ARHGAP39: variants seen among roughly 807,000 people sequenced by gnomAD.
ARHGAP39 encodes the protein Rho GTPase activating protein 39.
A neutral mutation model predicts 106.9 loss-of-function variants in ARHGAP39; 44 were observed. The ratio of observed to expected loss-of-function variants is 0.41; its 90% CI spans 0.32 to 0.53. The LOEUF is 0.53. Among genes scored for constraint, ARHGAP39 ranks in the 20% least tolerant of loss-of-function variants. The probability of loss-of-function intolerance (pLI) is 0.21; values close to 1 mark genes in which losing one functional copy is unlikely to be tolerated. For missense variants in ARHGAP39, 1,496 were observed against 1,577.3 expected (o/e 0.95, Z 0.87); for synonymous variants, 768 against 693.2 (o/e 1.11, Z -1.69).
At chr8:144,543,410 C>T (rs1346520207) in intron 6 of ARHGAP39, among the ~76,000 whole-genome samples, 1 of 152,186 alleles carries the variant, frequency 6.6e-6, no homozygotes, top group Non-Finnish European at 1.5e-5. Context: ...CTCTTCTGGG[C>T]TCAGGGCCAA....
intron 6 of ARHGAP39, among the ~76,000 whole-genome samples, chr8:144,538,631 A>G (rs1817061239): frequency 6.6e-6 from 1 of 152,096 alleles, no homozygotes; most frequent in Non-Finnish European, 1.5e-5. Flanking sequence ...ATCTCAGCTC[A>G]CTGCAACCTC....
At position 144,547,219 on chromosome 8, in the gene ARHGAP39, C is replaced by G; in HGVS notation, c.1867G>C (p.Glu623Gln). The change falls in exon 5 of 12, where the codon GAG (glutamate) becomes CAG (glutamine). Residue 623 changes from glutamate to glutamine, a missense_variant. This residue lies in a region of ARHGAP39 where 905 missense variants were observed against 816.4 expected (regional missense o/e 1.11). Transcript: ENST00000377307. This position sits in a 1 kb window ranked among gnomAD's most constrained non-coding sequence, Gnocchi z 5.2. ...AGGATCTGGGGGAAGCCTAGCTTCT[C>G]GAAGGTGCCCCTCCTCCAGTGCCTG... ...ENRHWRRGTF[E>Q]KLGFPQILLE... 6.2e-7 allele frequency: 1 copy of G among 1,612,484 alleles called. No homozygotes were observed. Among genetic ancestry groups the G allele is most frequent in the Non-Finnish European group, 8.5e-7 (1 of 1,179,758 alleles).
intron 1 of ARHGAP39, among the ~76,000 whole-genome samples, chr8:144,609,565 C>A (rs1156714387): frequency 6.6e-6 from 1 of 151,964 alleles, no homozygotes; most frequent in Non-Finnish European, 1.5e-5. Context: ...CTATGCCCAG[C>A]TAATTTTTTT....
chr8:144,632,585 G>A (rs1023775987), intron 1 of ARHGAP39, among the ~76,000 whole-genome samples: 1 of 152,228 alleles, frequency 6.6e-6, no homozygotes, highest in African/African-American at 2.4e-5. Context: ...CTGCCCCAGG[G>A]GTTCTGGTGG....
chr8:144,530,382 G>C lies in ARHGAP39; in HGVS notation c.*40C>G. On this transcript the variant is annotated 3_prime_UTR_variant, in exon 12 of 12. Transcript: ENST00000377307. ...AGCGAGTGCGGAGTTCGGCCTGGCT[G>C]GGGGCGGCAGGACATCCCTCCTGTC... is the stretch of plus-strand genomic sequence containing the variant. 1.3e-6 allele frequency: 2 copies of C among 1,550,152 alleles called. No individual in the cohort carries two copies. The highest frequency in any genetic ancestry group is 1.9e-5 in the Admixed American group (1 of 54,038).
At chr8:144,658,428 C>A (rs980412788) in intron 1 of ARHGAP39, among the ~76,000 whole-genome samples, 2 of 152,196 alleles carry the variant, frequency 1.3e-5, no homozygotes, top group East Asian at 3.9e-4. Flanking sequence ...GCATGTGCCA[C>A]CATGCCCAGC....
Position 144,602,922 on chromosome 8 carries a change from G to C in ARHGAP39, c.80+2613C>G, listed in dbSNP as rs539712770. On this transcript the variant is annotated intron_variant, in intron 2 of 11. Coordinates refer to ENST00000377307, the MANE Select transcript of ARHGAP39 (RefSeq NM_025251.3). Reference sequence around the variant, plus strand: ...ATGTACCTGTGTGTGTGTGCGTGGAGGCGTGTGTGTGCTCGTGTACCTGTG... The same window carrying C: ...ATGTACCTGTGTGTGTGTGCGTGGACGCGTGTGTGTGCTCGTGTACCTGTG... Among the ~76,000 whole-genome samples the C allele has an allele frequency of 9.0e-5, 12 of 133,708 alleles. 1 individual carries two copies. The highest frequency in any genetic ancestry group is 3.1e-4 in the African/African-American group (10 of 32,596). 87.7% of individuals were successfully genotyped at this position (133,708 alleles called of 152,430 possible). A position where few individuals can be genotyped will look rare whatever the true frequency, so the allele number is the denominator to read the frequency against.
chr8:144,579,267 T>C (rs1818881407), intron 3 of ARHGAP39, among the ~76,000 whole-genome samples: 3 of 137,778 alleles, frequency 2.2e-5, no homozygotes, highest in Non-Finnish European at 4.7e-5. Flanking sequence ...ATTAAGGAAA[T>C]GCAAACCAAA....
At chr8:144,615,543 G>C (rs976446864) in intron 1 of ARHGAP39, among the ~76,000 whole-genome samples, 6 of 152,290 alleles carry the variant, frequency 3.9e-5, no homozygotes, top group Middle Eastern at 3.4e-3. Flanking sequence ...CCGTCTGGCC[G>C]ACACCCTCCT....
chr8:144,620,550 C>T (rs933144045), intron 1 of ARHGAP39, among the ~76,000 whole-genome samples: 10 of 145,256 alleles, frequency 6.9e-5, no homozygotes, highest in Non-Finnish European at 1.3e-4. Flanking sequence ...CATATATGCC[C>T]GTGTGCGTGA....
intron 2 of ARHGAP39, among the ~76,000 whole-genome samples, chr8:144,593,363 C>T (rs1819479060): frequency 6.6e-6 from 1 of 152,152 alleles, no homozygotes; most frequent in South Asian, 2.1e-4. Flanking sequence ...AACAAACGTG[C>T]AGGTGGACGT....
chr8:144,651,541 A>G lies in ARHGAP39; in HGVS notation c.-82+34145T>C, dbSNP rs145186056. Among the ~76,000 whole-genome samples, 663 of 152,198 alleles carry G rather than the reference A, an allele frequency of 4.4e-3. 3 individuals are homozygous for G. The highest frequency in any genetic ancestry group is 0.015 in the African/African-American group (628 of 41,528). On this transcript the variant is annotated intron_variant, in intron 1 of 11. Coordinates refer to ENST00000377307, the MANE Select transcript of ARHGAP39 (RefSeq NM_025251.3). ...AACATGGTGAAACCCCATCTCTACC[A>G]AAAACTCAAAAATTAGCTGGGCATG...
intron 1 of ARHGAP39, among the ~76,000 whole-genome samples, chr8:144,643,019 G>A (rs1821350484): frequency 6.6e-6 from 1 of 151,996 alleles, no homozygotes. Flanking sequence ...TTTCAAACAA[G>A]CAAACAAAAC....
intron 1 of ARHGAP39, among the ~76,000 whole-genome samples, chr8:144,650,157 A>G (rs971896543): frequency 6.6e-6 from 1 of 152,088 alleles, no homozygotes; most frequent in African/African-American, 2.4e-5. Flanking sequence ...AAAAAAAGAA[A>G]AAAAAAATTC....
chr8:144,652,047 G>A (rs868322477), intron 1 of ARHGAP39, among the ~76,000 whole-genome samples: 23 of 152,160 alleles, frequency 1.5e-4, no homozygotes, highest in Middle Eastern at 3.4e-3. Context: ...AAAAGCAATG[G>A]CAACAAAAGC....
At position 144,536,515 on chromosome 8, in the gene ARHGAP39, C is replaced by T. The variant is rs942534893; in HGVS notation, c.2614+1206G>A. Among the ~76,000 whole-genome samples the T allele has an allele frequency of 5.3e-5, 8 of 152,188 alleles. No homozygotes were observed. In the East Asian group the frequency reaches 5.8e-4, roughly 11 times the overall value. ...TCGGTCCAGCTCTCAGGCCACCGGACGCCAGCTCAGGTAGGAGCGCAAAGC... is the reference window on the plus strand; with the variant it reads ...TCGGTCCAGCTCTCAGGCCACCGGATGCCAGCTCAGGTAGGAGCGCAAAGC... On this transcript the variant is annotated intron_variant, in intron 7 of 11. Coordinates refer to ENST00000377307, the MANE Select transcript of ARHGAP39 (RefSeq NM_025251.3).
chr8:144,698,443 G>T, the ARHGAP39 span, among the ~76,000 whole-genome samples: 31 of 152,184 alleles, frequency 2.0e-4, no homozygotes, highest in African/African-American at 7.5e-4. Flanking sequence ...CAGACAGAAG[G>T]CTTCGTAAAG....
In ARHGAP39 at chr8:144,542,947, C is replaced by CA. The variant is rs374051303; in HGVS notation, c.2521+2301dup. 1.6e-3 allele frequency among the ~76,000 whole-genome samples: 229 copies of CA among 144,184 alleles called. 2 individuals are homozygous for CA. Among genetic ancestry groups the CA allele is most frequent in the African/African-American group, 5.3e-3 (211 of 39,446 alleles). 94.6% of individuals were successfully genotyped at this position (144,184 alleles called of 152,430 possible). A position where few individuals can be genotyped will look rare whatever the true frequency, so the allele number is the denominator to read the frequency against. The stretch of plus-strand genomic sequence containing the variant: ...GGGCAACAGAGCGAGACTCTAACTC[C>CA]AAAAAAAAAGGGGGGTCTTGCTCTG... On this transcript the variant is annotated intron_variant, in intron 6 of 11. Transcript: ENST00000377307.
chr8:144,531,132 T>TGTGTAGCCACCGTGAGGGG (rs1816694279), intron 10 of ARHGAP39, among the ~76,000 whole-genome samples: 1 of 152,234 alleles, frequency 6.6e-6, no homozygotes, highest in Non-Finnish European at 1.5e-5. Context: ...AGGAGTCGTC[T>TGTGTAGCCACCGTGAGGGG]GTGTAGCCAC....
Sources: allele counts gnomAD v4.1 joint callset (sites outside exome capture counted in the v4.1 genomes callset), GRCh38; gene constraint gnomAD v4.1.1; regional missense constraint gnomAD v4.1.1; non-coding constraint Gnocchi (gnomAD v3.1); transcripts MANE v1.5; gene names NCBI Gene and HGNC (gene_info 2026-07-23, HGNC 2026-07-21).